Variants in DGKK observed in about 807,000 individuals in gnomAD.
The protein encoded by DGKK is diacylglycerol kinase kappa.
A neutral mutation model predicts 92.2 loss-of-function variants in DGKK; 35 were observed. The ratio of observed to expected loss-of-function variants is 0.38; its 90% CI spans 0.29 to 0.50. The LOEUF (loss-of-function observed/expected upper bound fraction) is 0.50. DGKK is among the 20% of genes least tolerant of loss of function. The pLI is 0.92. For synonymous variants in DGKK, 368 were observed against 360.6 expected (o/e 1.02, Z -0.23); for missense variants, 910 against 992.2 (o/e 0.92, Z 1.11).
rs1359224205 is a variant in DGKK, at chrX:50,375,075, G to T, written c.3415-18C>A. The T allele has an allele frequency of 8.8e-7, 1 of 1,139,984 alleles. No homozygotes were observed. The highest frequency in any genetic ancestry group is 1.8e-5 in the African/African-American group (1 of 55,874). The allele number at this position is 1,139,984 out of a possible 1,213,427, so 93.9% of individuals were successfully genotyped here. ...CTTAGAGTCTGAGAGGAAAAGAACG[G>T]AAAAGGAGAGAAAAAGACAAAGACA... On this transcript the variant is annotated intron_variant, in intron 24 of 27. Transcript: ENST00000611977.
intron 1 of DGKK, among the ~76,000 whole-genome samples, chrX:50,445,614 C>G (rs1255884005): frequency 7.2e-5 from 8 of 110,769 alleles, no homozygotes; most frequent in African/African-American, 2.6e-4. Context: ...TATTCCTAGG[C>G]TCTCTATTCT....
Position 50,470,526 on chromosome X carries a change from T to C in DGKK, c.153A>G (p.Pro51=), listed in dbSNP as rs1927045440. The C allele has an allele frequency of 1.7e-6, 2 of 1,211,359 alleles. No individual in the cohort carries two copies. Among genetic ancestry groups the C allele is most frequent in the African/African-American group, 1.7e-5 (1 of 58,085 alleles). The change falls in exon 1 of 28, where the codon CCA becomes CCG. Residue 51 remains proline, a synonymous_variant. Transcript: ENST00000611977. Reference sequence around the variant, plus strand: ...CTGGACAGGGCTCTGGTATGGGTTCTGGCGAAGCCTCGGAGAGCAGCGGCG... The same window carrying C: ...CTGGACAGGGCTCTGGTATGGGTTCCGGCGAAGCCTCGGAGAGCAGCGGCG... ...PAPPLLSEAS[P]EPIPEPCPEL...
At chrX:50,401,209 G>T in intron 7 of DGKK, 70 bp from the exon 8 acceptor site, 2 of 917,183 alleles carry the variant, frequency 2.2e-6, no homozygotes, top group Non-Finnish European at 3.1e-6. Flanking sequence ...GATCAGTCTT[G>T]AGTTCCAATA....
intron 1 of DGKK, among the ~76,000 whole-genome samples, chrX:50,464,217 G>A (rs1366384635): frequency 9.4e-6 from 1 of 106,218 alleles, no homozygotes; most frequent in African/African-American, 3.4e-5. Flanking sequence ...TTCTCTTTAA[G>A]AGGATTCTGT....
At chrX:50,451,054 G>A (rs7878909) in intron 1 of DGKK, among the ~76,000 whole-genome samples, 9,102 of 111,222 alleles carry the variant, frequency 0.082, 910 homozygotes, top group African/African-American at 0.28. Flanking sequence ...AGTGTTCTCA[G>A]ATTCAGAACA....
intron 1 of DGKK, among the ~76,000 whole-genome samples, chrX:50,446,226 A>G (rs1926303061): frequency 9.0e-6 from 1 of 110,968 alleles, no homozygotes; most frequent in East Asian, 2.9e-4. Flanking sequence ...GTTGTCTGCA[A>G]ACAGGATGGT....
rs1557225750 is a variant in DGKK at position 50,393,207 on chromosome X, G to T, written c.1540C>A (p.Gln514Lys). The T allele has an allele frequency of 8.3e-7, 1 of 1,210,196 alleles. No individual in the cohort carries two copies. The highest frequency in any genetic ancestry group is 2.2e-5 in the Admixed American group (1 of 45,949). ...QGIVFLRKFK[Q>K]YLNPSQVFDL... The stretch of plus-strand genomic sequence containing the variant: ...AACACTTGAGATGGGTTAAGGTATT[G>T]CTTGAATTTTCGGAGGAAGACGATC... Residue 514 changes from glutamine (Q) to lysine (K), a missense_variant, in exon 9 of 28, where the codon CAA (glutamine) becomes AAA (lysine). Gln to Lys is a moderately conservative substitution (Grantham distance 53). Transcript: ENST00000611977.
At chrX:50,469,709 G>A (rs953866867) in intron 1 of DGKK, among the ~76,000 whole-genome samples, 1 of 112,951 alleles carries the variant, frequency 8.9e-6, no homozygotes, top group African/African-American at 3.2e-5. Context: ...TGCGCTCCCC[G>A]AGGGTATCTT....
chrX:50,420,350 A>G (rs1441352437), intron 4 of DGKK, 53 bp downstream of exon 4: 2 of 1,082,785 alleles, frequency 1.8e-6, no homozygotes, highest in Non-Finnish European at 2.5e-6. Flanking sequence ...TAACTAATGC[A>G]ATTAATTATT....
chrX:50,392,938 C>T (rs1183588368), intron 9 of DGKK, among the ~76,000 whole-genome samples: 1 of 112,588 alleles, frequency 8.9e-6, no homozygotes, highest in Non-Finnish European at 1.9e-5. Context: ...GGGGCTTGGA[C>T]ATGGGCTTGA....
At chrX:50,394,141 A>G (rs1924775667) in intron 8 of DGKK, among the ~76,000 whole-genome samples, 2 of 111,846 alleles carry the variant, frequency 1.8e-5, no homozygotes, top group Non-Finnish European at 3.8e-5. Flanking sequence ...TGCTAGACAA[A>G]TAGTGAGCCC....
chrX:50,443,690 T>C (rs1557231470), intron 1 of DGKK, among the ~76,000 whole-genome samples: 6 of 100,329 alleles, frequency 6.0e-5, no homozygotes, highest in Non-Finnish European at 1.0e-4. Flanking sequence ...TTCACAGTTA[T>C]ACATGCACTC....
At chrX:50,384,635 G>A (rs1924494555) in intron 16 of DGKK, 85 bp downstream of exon 16, 2 of 853,225 alleles carry the variant, frequency 2.3e-6, no homozygotes, top group Non-Finnish European at 1.7e-6. Context: ...AAAAGAGGAT[G>A]CATAAAAAAT....
At position 50,386,343 on chromosome X, in the gene DGKK, C is replaced by A. The variant is rs1557224949; in HGVS notation, c.2347+15G>T. The A allele has an allele frequency of 1.7e-6, 2 of 1,185,989 alleles. No homozygotes were observed. Among genetic ancestry groups the A allele is most frequent in the Admixed American group, 4.4e-5 (2 of 45,862 alleles). ...CTTTCCCCTACCTCAGTCACTACAA[C>A]CCTGGCCACCTTACCTTGTTCAACT... On this transcript the variant is annotated intron_variant, in intron 15 of 27. Coordinates refer to ENST00000611977, the MANE Select transcript of DGKK (RefSeq NM_001013742.4).
Position 50,387,551 on chromosome X carries a change from T to TAA in DGKK, c.2118+2_2118+3insTT. 8.4e-7 allele frequency: 1 copy of TAA among 1,193,438 alleles called. No individual in the cohort carries two copies. The highest frequency in any genetic ancestry group is 1.1e-6 in the Non-Finnish European group (1 of 880,209). Reference sequence around the variant, plus strand: ...GTATAAGACAAAAGGAATGGGAACTTACTTTCAAAATCACAGACACTATTG... The same window carrying TAA: ...GTATAAGACAAAAGGAATGGGAACTTAAACTTTCAAAATCACAGACACTATTG... On this transcript the variant is annotated splice_region_variant and intron_variant, in intron 14 of 27. Coordinates refer to ENST00000611977, the MANE Select transcript of DGKK (RefSeq NM_001013742.4).
intron 1 of DGKK, among the ~76,000 whole-genome samples, chrX:50,458,256 C>A (rs1175447140): frequency 9.1e-6 from 1 of 110,436 alleles, no homozygotes; most frequent in Non-Finnish European, 1.9e-5. Flanking sequence ...TTTATTATTT[C>A]ATTGAGAAAA....
At chrX:50,418,674 C>A (rs1925496585) in intron 4 of DGKK, among the ~76,000 whole-genome samples, 1 of 111,587 alleles carries the variant, frequency 9.0e-6, no homozygotes, top group Non-Finnish European at 1.9e-5. Context: ...GATTTAGGTC[C>A]CTGGAGAAGC....
At chrX:50,390,475 A>G in intron 11 of DGKK, 66 bp from the exon 12 acceptor site, 2 of 1,026,543 alleles carry the variant, frequency 1.9e-6, no homozygotes, top group Non-Finnish European at 2.7e-6. Flanking sequence ...TTAGTGCTTC[A>G]AAGGTGAAGA....
At chrX:50,424,133 C>A in intron 2 of DGKK, 115 bp downstream of exon 2, 1 of 605,396 alleles carries the variant, frequency 1.7e-6, no homozygotes, top group Non-Finnish European at 2.5e-6. Flanking sequence ...GAGTAGAGGG[C>A]TTCAACTTCC....
Sources: gnomAD v4.1 joint callset for allele counts (sites outside exome capture counted in the v4.1 genomes callset) on GRCh38, gnomAD v4.1.1 for gene constraint, MANE v1.5 for transcripts, NCBI Gene and HGNC (gene_info 2026-07-23, HGNC 2026-07-21) for gene names.